ASCC3: variants seen among roughly 807,000 people sequenced by gnomAD.
The protein encoded by ASCC3 is ASC-1 complex subunit P200.
Under a neutral mutation model 256.3 loss-of-function variants are expected in ASCC3, and 158 were observed. The ratio of observed to expected loss-of-function variants is 0.62; its 90% CI spans 0.54 to 0.70. The LOEUF (loss-of-function observed/expected upper bound fraction) is 0.70, where lower values mean the gene tolerates loss of function less well. Ranked by LOEUF, ASCC3 falls within the 30% of genes least tolerant of loss-of-function variation. ASCC3 has a pLI of 0.00. For synonymous variants in ASCC3, 948 were observed against 883.4 expected, an observed-to-expected ratio of 1.07 and a Z score of -1.30; for missense variants, 2,259 against 2,626.0, an observed-to-expected ratio of 0.86 and a Z score of 3.05.
At chr6:100,533,789 A>T (rs539096451) in intron 37 of ASCC3, among the ~76,000 whole-genome samples, 1 of 152,226 alleles carries the variant, frequency 6.6e-6, no homozygotes, top group African/African-American at 2.4e-5. Context: ...TTAGTATTAT[A>T]TTTAGGTGTT....
chr6:100,561,546 C>T (rs376517663), intron 36 of ASCC3, among the ~76,000 whole-genome samples: 56 of 152,068 alleles, frequency 3.7e-4, no homozygotes, highest in Middle Eastern at 3.4e-3. Context: ...TTTATTTATC[C>T]TTTGTTTTTT....
At chr6:100,747,908 G>A (rs1780760972) in intron 10 of ASCC3, among the ~76,000 whole-genome samples, 1 of 152,000 alleles carries the variant, frequency 6.6e-6, no homozygotes, top group Admixed American at 6.6e-5. Context: ...AATGTATCAT[G>A]TAGTATCTAG....
At chr6:100,518,482 TAAG>T (rs1418609983) in intron 37 of ASCC3, among the ~76,000 whole-genome samples, 1 of 152,174 alleles carries the variant, frequency 6.6e-6, no homozygotes, top group African/African-American at 2.4e-5. Flanking sequence ...TTCACTGTAT[TAAG>T]AACATTAGCA....
chr6:100,652,493 C>T (rs1258504596), intron 18 of ASCC3, among the ~76,000 whole-genome samples: 1 of 152,006 alleles, frequency 6.6e-6, no homozygotes, highest in African/African-American at 2.4e-5. Context: ...ACTATTTAGG[C>T]TTGGGTGTGT....
In ASCC3 at chr6:100,795,590, C is replaced by A. The variant is rs192191916; in HGVS notation, c.1395+3123G>T. Among the ~76,000 whole-genome samples, 7 of 152,202 alleles carry A rather than the reference C, an allele frequency of 4.6e-5. No homozygotes were observed. In the South Asian group the frequency reaches 6.2e-4, roughly 14 times the overall value. On this transcript the variant is annotated intron_variant, in intron 8 of 41. Coordinates refer to ENST00000369162, the MANE Select transcript of ASCC3 (RefSeq NM_006828.4). ...GTGACTCCTGACTAATCAAGAGATG[C>A]ATCTACATTTTTTACATTGCTCCCT... is the stretch of plus-strand genomic sequence containing the variant.
chr6:100,797,081 G>GT (rs1769654577), intron 8 of ASCC3, among the ~76,000 whole-genome samples: 1 of 152,114 alleles, frequency 6.6e-6, no homozygotes, highest in Non-Finnish European at 1.5e-5. Flanking sequence ...TTAGAAATAA[G>GT]TATGATAGAA....
At chr6:100,871,940 G>A (rs538753398) in intron 1 of ASCC3, among the ~76,000 whole-genome samples, 28 of 152,304 alleles carry the variant, frequency 1.8e-4, no homozygotes, top group African/African-American at 6.5e-4. Context: ...GTCATCCATA[G>A]AGAGGAAGTA....
intron 8 of ASCC3, among the ~76,000 whole-genome samples, chr6:100,776,595 T>C (rs1258111972): frequency 6.6e-6 from 1 of 152,104 alleles, no homozygotes; most frequent in Non-Finnish European, 1.5e-5. Flanking sequence ...GTGTATGTTT[T>C]GGATATCCAT....
chr6:100,514,352 A>C (rs1773917868), intron 39 of ASCC3, among the ~76,000 whole-genome samples: 1 of 152,230 alleles, frequency 6.6e-6, no homozygotes, highest in African/African-American at 2.4e-5. Context: ...GGGGACTTAA[A>C]AACACAATTT....
At chr6:100,609,284 G>A (rs1437496576) in intron 30 of ASCC3, among the ~76,000 whole-genome samples, 5 of 151,204 alleles carry the variant, frequency 3.3e-5, no homozygotes, top group African/African-American at 4.9e-5. Flanking sequence ...TAGAAACTAT[G>A]GTAGAAATCT....
intron 1 of ASCC3, among the ~76,000 whole-genome samples, chr6:100,878,910 G>A (rs1166491452): frequency 6.6e-6 from 1 of 152,136 alleles, no homozygotes; most frequent in East Asian, 1.9e-4. Context: ...ACTATCTAGA[G>A]ATACTGTCAT....
intron 5 of ASCC3, among the ~76,000 whole-genome samples, chr6:100,804,478 G>A (rs1237010775): frequency 6.6e-6 from 1 of 152,010 alleles, no homozygotes; most frequent in Non-Finnish European, 1.5e-5. Context: ...TGTCAACAGA[G>A]TAAACAGACA....
intron 8 of ASCC3, among the ~76,000 whole-genome samples, chr6:100,779,293 A>G (rs1003335661): frequency 6.6e-6 from 1 of 152,094 alleles, no homozygotes; most frequent in Non-Finnish European, 1.5e-5. Flanking sequence ...GAGTCTCGCT[A>G]TGTTGCTGAA....
In ASCC3 at chr6:100,767,327, T is replaced by C; in HGVS notation, c.1414A>G (p.Lys472Glu). Residue 472 changes from lysine to glutamate, a missense_variant, in exon 9 of 42, where the codon AAA becomes GAA. Physicochemically the swap from Lys to Glu is moderately conservative, Grantham distance 56. Coordinates refer to ENST00000369162, the MANE Select transcript of ASCC3 (RefSeq NM_006828.4). ...DLDEIGQLAFKGMKRLNRIQS... is the reference protein window; with the variant it reads ...DLDEIGQLAFEGMKRLNRIQS... ...ATTCTATTGAGTCTCTTCATTCCTT[T>C]AAAAGCCAGCTGTCCGATCTAAAAA... The C allele has an allele frequency of 6.3e-7, 1 of 1,581,602 alleles. No individual in the cohort carries two copies. The highest frequency in any genetic ancestry group is 8.6e-7 in the Non-Finnish European group (1 of 1,169,164).
At chr6:100,585,299 A>C (rs1193143337) in intron 36 of ASCC3, among the ~76,000 whole-genome samples, 1 of 151,924 alleles carries the variant, frequency 6.6e-6, no homozygotes, top group Non-Finnish European at 1.5e-5. Context: ...TTTTTTCTCT[A>C]AACTTCCCTT....
chr6:100,561,060 C>T lies in ASCC3; in HGVS notation c.5551-20673G>A, dbSNP rs142051893. On this transcript the variant is annotated intron_variant, in intron 36 of 41. Coordinates refer to ENST00000369162, the MANE Select transcript of ASCC3 (RefSeq NM_006828.4). ...CAACCACTTGTTTTATAAAATAAGACTCAGTGGCTTAACTTTACTGATACA... is the reference window on the plus strand; with the variant it reads ...CAACCACTTGTTTTATAAAATAAGATTCAGTGGCTTAACTTTACTGATACA... Among the ~76,000 whole-genome samples, 54 of 151,328 alleles carry T rather than the reference C, an allele frequency of 3.6e-4. 2 individuals carry two copies. The East Asian group carries it at 0.01, about 29-fold the overall frequency.
chr6:100,729,195 TGA>T (rs1779779956), intron 10 of ASCC3, among the ~76,000 whole-genome samples: 1 of 151,830 alleles, frequency 6.6e-6, no homozygotes, highest in African/African-American at 2.4e-5. Flanking sequence ...GGAGCTAGTG[TGA>T]GGGGGTAAAT....
intron 4 of ASCC3, among the ~76,000 whole-genome samples, chr6:100,818,688 G>A (rs1207451665): frequency 4.3e-5 from 6 of 140,712 alleles, no homozygotes; most frequent in Non-Finnish European, 6.0e-5. Flanking sequence ...ATAAGTCTGC[G>A]CTCACCACTT....
At chr6:100,766,418 A>G in intron 10 of ASCC3, 147 bp downstream of exon 10, 1 of 853,244 alleles carries the variant, frequency 1.2e-6, no homozygotes, top group East Asian at 2.7e-5. Context: ...TTTGTAGTAC[A>G]GAGACAAGAT....
Sources: allele counts gnomAD v4.1 joint callset (sites outside exome capture counted in the v4.1 genomes callset), GRCh38; gene constraint gnomAD v4.1.1; transcripts MANE v1.5; gene names NCBI Gene and HGNC (gene_info 2026-07-23, HGNC 2026-07-21).